ADGRV1: variants seen among roughly 807,000 people sequenced by gnomAD.
The protein encoded by ADGRV1 is G-protein coupled receptor 98.
Under a neutral mutation model 596.2 loss-of-function variants are expected in ADGRV1, and 359 were observed. That is an observed-to-expected ratio of 0.60 (90% CI 0.55 to 0.66). The LOEUF is 0.66. Among genes scored for constraint, ADGRV1 ranks in the 30% least tolerant of loss-of-function variants. The pLI, the probability that ADGRV1 is intolerant of heterozygous loss-of-function variation, is 0.00. For missense variants in ADGRV1, 7,274 were observed against 7,575.6 expected (o/e 0.96, Z 1.48); for synonymous variants, 2,681 against 2,679.2 (o/e 1.00, Z -0.02).
chr5:90,869,618 G>A (rs1450717692), intron 83 of ADGRV1, among the ~76,000 whole-genome samples: 1 of 152,060 alleles, frequency 6.6e-6, no homozygotes, highest in Non-Finnish European at 1.5e-5. Flanking sequence ...TCAAAGGAAG[G>A]AATAAGGACT....
chr5:90,846,031 A>G (rs914791675), intron 78 of ADGRV1, among the ~76,000 whole-genome samples: 1 of 152,242 alleles, frequency 6.6e-6, no homozygotes, highest in Non-Finnish European at 1.5e-5. Flanking sequence ...ATAAATGCCA[A>G]TCTTGAGCTC....
chr5:91,019,018 G>A (rs1339664177), intron 85 of ADGRV1, among the ~76,000 whole-genome samples: 4 of 151,964 alleles, frequency 2.6e-5, no homozygotes. Context: ...CAGCCTACCA[G>A]TCCAGAAGAA....
chr5:90,734,471 T>C (rs1318807952), intron 50 of ADGRV1, among the ~76,000 whole-genome samples: 1 of 152,162 alleles, frequency 6.6e-6, no homozygotes, highest in Non-Finnish European at 1.5e-5. Flanking sequence ...ATAGCTTATT[T>C]TGGTTTTAAT....
chr5:90,909,224 T>C (rs1338676266), intron 83 of ADGRV1, among the ~76,000 whole-genome samples: 1 of 152,210 alleles, frequency 6.6e-6, no homozygotes. Flanking sequence ...CTTTGTTGCT[T>C]GGGCCTCACA....
chr5:91,032,405 G>A (rs147863273), intron 85 of ADGRV1, among the ~76,000 whole-genome samples: 4 of 152,282 alleles, frequency 2.6e-5, no homozygotes, highest in East Asian at 3.9e-4. Flanking sequence ...AATGATAGGC[G>A]TTTGGATTAA....
intron 11 of ADGRV1, among the ~76,000 whole-genome samples, chr5:90,642,361 T>C (rs147802504): frequency 6.8e-4 from 103 of 152,298 alleles, no homozygotes; most frequent in African/African-American, 2.4e-3. Context: ...TAACATTTGG[T>C]TACAGTATTC....
chr5:90,919,361 T>C (rs1406994802), intron 83 of ADGRV1, among the ~76,000 whole-genome samples: 1 of 152,160 alleles, frequency 6.6e-6, no homozygotes, highest in Non-Finnish European at 1.5e-5. Context: ...TTAGATAGGA[T>C]TGGAGACTTC....
Position 91,047,502 on chromosome 5 carries a change from G to A in ADGRV1, c.18153-24945G>A, listed in dbSNP as rs569207339. Reference sequence around the variant, plus strand: ...CAGCATGGGAGAAAGATGTAGGCTCGGAGGCTAAGCCAGTCTCATCTTTCC... The same window carrying A: ...CAGCATGGGAGAAAGATGTAGGCTCAGAGGCTAAGCCAGTCTCATCTTTCC... On this transcript the variant is annotated intron_variant, in intron 85 of 89. Coordinates refer to ENST00000405460, the MANE Select transcript of ADGRV1 (RefSeq NM_032119.4). 1.6e-4 allele frequency among the ~76,000 whole-genome samples: 25 copies of A among 152,078 alleles called. 1 individual carries two copies. The South Asian group carries it at 2.7e-3, about 16-fold the overall frequency.
chr5:90,783,927 C>A lies in ADGRV1; in HGVS notation c.13523C>A (p.Ala4508Asp), dbSNP rs1319149562. 6.2e-7 allele frequency: 1 copy of A among 1,612,306 alleles called. No individual in the cohort carries two copies. The highest frequency in any genetic ancestry group is 8.5e-7 in the Non-Finnish European group (1 of 1,179,208). Residue 4508 changes from alanine to aspartate, a missense_variant, in exon 67 of 90, where the codon GCT becomes GAT. Physicochemically the swap from Ala to Asp is moderately radical, Grantham distance 126. Transcript: ENST00000405460. ...CACCTAGTGAGCAGAATCATAATAGCTAAGAGTGACTCTCCCTTTGGAGTT... is the reference window on the plus strand; with the variant it reads ...CACCTAGTGAGCAGAATCATAATAGATAAGAGTGACTCTCCCTTTGGAGTT... ...GRHLVSRIII[A>D]KSDSPFGVIR...
intron 83 of ADGRV1, among the ~76,000 whole-genome samples, chr5:90,897,608 T>A (rs1771457021): frequency 6.6e-6 from 1 of 152,224 alleles, no homozygotes; most frequent in Non-Finnish European, 1.5e-5. Context: ...GACAAAGTAC[T>A]CTTGGACATT....
intron 86 of ADGRV1, among the ~76,000 whole-genome samples, chr5:91,080,151 G>A (rs890991417): frequency 6.6e-6 from 1 of 152,114 alleles, no homozygotes; most frequent in African/African-American, 2.4e-5. Flanking sequence ...TATTTGGGAT[G>A]TCCATCACCT....
Position 90,681,342 on chromosome 5 carries a change from T to C in ADGRV1, c.5552T>C (p.Leu1851Pro). 1 of 1,613,884 alleles carries C rather than the reference T, an allele frequency of 6.2e-7. No individual in the cohort carries two copies. The highest frequency in any genetic ancestry group is 8.5e-7 in the Non-Finnish European group (1 of 1,179,798). Residue 1851 changes from leucine to proline, a missense_variant, in exon 27 of 90, where the codon CTA becomes CCA. Leu to Pro is a moderately conservative substitution (Grantham distance 98). Around this residue, in one of 5 missense-constraint regions of ADGRV1, gnomAD observed 3,643 missense variants for 3,809.2 expected, o/e 0.96. Coordinates refer to ENST00000405460, the MANE Select transcript of ADGRV1 (RefSeq NM_032119.4). ...AGTCTAGGAGTGGCTTCCCAAATTCTAGTGACAATTGCAGCCTCTGACCAC... is the reference window on the plus strand; with the variant it reads ...AGTCTAGGAGTGGCTTCCCAAATTCCAGTGACAATTGCAGCCTCTGACCAC... ...RASLGVASQI[L>P]VTIAASDHAH...
intron 83 of ADGRV1, among the ~76,000 whole-genome samples, chr5:90,878,689 A>G (rs1156922070): frequency 6.6e-6 from 1 of 152,226 alleles, no homozygotes; most frequent in Non-Finnish European, 1.5e-5. Context: ...AACAAACTCC[A>G]ACATAGTCAT....
At chr5:90,939,470 A>G (rs1775988829) in intron 83 of ADGRV1, among the ~76,000 whole-genome samples, 1 of 152,148 alleles carries the variant, frequency 6.6e-6, no homozygotes, top group South Asian at 2.1e-4. Flanking sequence ...TGTGAATTCC[A>G]CTCTAGGCTC....
chr5:91,008,999 A>C (rs1265615092), intron 85 of ADGRV1, among the ~76,000 whole-genome samples: 1 of 152,134 alleles, frequency 6.6e-6, no homozygotes, highest in Non-Finnish European at 1.5e-5. Flanking sequence ...GTGGAGGAGG[A>C]ACACTAATTC....
Position 91,157,694 on chromosome 5 carries a change from T to C in ADGRV1, c.18802+4296T>C, listed in dbSNP as rs138123211. 5.3e-5 allele frequency among the ~76,000 whole-genome samples: 8 copies of C among 152,348 alleles called. No homozygotes were observed. The East Asian group carries it at 5.8e-4, about 11-fold the overall frequency. ...CTGTTACCATTACAATTATTCCTAG[T>C]GTACAGTTCAACAAATCAACATGAG... On this transcript the variant is annotated intron_variant, in intron 89 of 89. Transcript: ENST00000405460.
At chr5:90,919,687 C>G (rs916616592) in intron 83 of ADGRV1, among the ~76,000 whole-genome samples, 2 of 152,024 alleles carry the variant, frequency 1.3e-5, no homozygotes, top group African/African-American at 4.8e-5. Context: ...GTATGTACTA[C>G]TAGAATAGAA....
At chr5:91,093,295 A>G (rs1000259324) in intron 86 of ADGRV1, among the ~76,000 whole-genome samples, 1 of 152,190 alleles carries the variant, frequency 6.6e-6, no homozygotes, top group African/African-American at 2.4e-5. Flanking sequence ...ATTTTCCTCC[A>G]TGGATCATAT....
At chr5:90,877,207 A>G (rs1769297659) in intron 83 of ADGRV1, among the ~76,000 whole-genome samples, 1 of 152,252 alleles carries the variant, frequency 6.6e-6, no homozygotes, top group Non-Finnish European at 1.5e-5. Flanking sequence ...AATGGGCAGT[A>G]TCTGGCAGGA....
Sources: allele counts gnomAD v4.1 joint callset (sites outside exome capture counted in the v4.1 genomes callset), GRCh38; gene constraint gnomAD v4.1.1; regional missense constraint gnomAD v4.1.1; transcripts MANE v1.5; gene names NCBI Gene and HGNC (gene_info 2026-07-23, HGNC 2026-07-21).